The following ASAP1 variants were observed in gnomAD, a reference collection of about 807,000 sequenced individuals.
ASAP1 encodes ArfGAP with SH3 domain, ankyrin repeat and PH domain 1.
Under a neutral mutation model 145.2 loss-of-function variants are expected in ASAP1, and 43 were observed. The observed-to-expected ratio is 0.30, with a 90% CI of 0.23 to 0.38. ASAP1 has a LOEUF of 0.38. Among genes scored for constraint, ASAP1 ranks in the 10% least tolerant of loss-of-function variants. The pLI is 1.00. For synonymous variants in ASAP1, 546 were observed against 515.5 expected (o/e 1.06, Z -0.80); for missense variants, 1,018 against 1,355.3 (o/e 0.75, Z 3.91).
At chr8:130,346,038 C>A (rs528679961) in intron 3 of ASAP1, among the ~76,000 whole-genome samples, 1 of 152,284 alleles carries the variant, frequency 6.6e-6, no homozygotes, top group South Asian at 2.1e-4. Context: ...GTAGACTTAA[C>A]CGTATTTGGA....
chr8:130,185,033 C>G (rs1382900359), intron 7 of ASAP1, among the ~76,000 whole-genome samples: 1 of 152,142 alleles, frequency 6.6e-6, no homozygotes, highest in African/African-American at 2.4e-5. Flanking sequence ...AAATGTCCAG[C>G]CTTCTCCATT....
intron 13 of ASAP1, among the ~76,000 whole-genome samples, chr8:130,145,627 C>T (rs2097627269): frequency 6.6e-6 from 1 of 152,170 alleles, no homozygotes; most frequent in South Asian, 2.1e-4. Flanking sequence ...AAAGCGAGGG[C>T]ATCATTATGT....
At chr8:130,291,576 G>A (rs1032349652) in intron 3 of ASAP1, among the ~76,000 whole-genome samples, 1 of 152,204 alleles carries the variant, frequency 6.6e-6, no homozygotes, top group Admixed American at 6.5e-5. Context: ...GATGAGGGGA[G>A]GAGGGAAAAG....
chr8:130,219,504 T>C (rs117015017), intron 4 of ASAP1, among the ~76,000 whole-genome samples: 2 of 151,958 alleles, frequency 1.3e-5, no homozygotes, highest in Non-Finnish European at 2.9e-5. Flanking sequence ...CAGGAATGAG[T>C]GTTTCTGAAG....
At chr8:130,145,779 A>G (rs1281474179) in intron 13 of ASAP1, among the ~76,000 whole-genome samples, 2 of 152,106 alleles carry the variant, frequency 1.3e-5, no homozygotes, top group Admixed American at 1.3e-4. Flanking sequence ...AGGCACCAAA[A>G]GGTTAAGTTA....
At chr8:130,434,805 C>T (rs929556359) in intron 1 of ASAP1, among the ~76,000 whole-genome samples, 2 of 152,122 alleles carry the variant, frequency 1.3e-5, no homozygotes, top group Non-Finnish European at 2.9e-5. Flanking sequence ...CCTGAGGGAA[C>T]TTCTAGGGGA....
At chr8:130,140,893 T>C (rs75442352) in intron 13 of ASAP1, among the ~76,000 whole-genome samples, 2,609 of 152,310 alleles carry the variant, frequency 0.017, 25 homozygotes, top group Non-Finnish European at 0.024. Flanking sequence ...AGTGGTATGT[T>C]CCACAGAAGT....
intron 26 of ASAP1, 47 bp downstream of exon 26, chr8:130,079,855 T>G: frequency 6.4e-7 from 1 of 1,564,698 alleles, no homozygotes; most frequent in Non-Finnish European, 8.8e-7. Context: ...TTCTGTCCAT[T>G]GCATCAATGG....
intron 25 of ASAP1, among the ~76,000 whole-genome samples, chr8:130,086,684 G>A (rs2097493968): frequency 6.6e-6 from 1 of 152,172 alleles, no homozygotes; most frequent in Admixed American, 6.5e-5. Context: ...CACACCTGTA[G>A]TCCCAGCTAC....
intron 5 of ASAP1, chr8:130,195,034 A>G (rs1815386954): frequency 6.6e-6 from 1 of 152,160 alleles, no homozygotes; most frequent in Non-Finnish European, 1.5e-5. Context: ...AGCTTTTCAA[A>G]TCCATTATAT....
intron 1 of ASAP1, among the ~76,000 whole-genome samples, chr8:130,406,091 T>TTTG (rs902888889): frequency 2.2e-4 from 34 of 152,346 alleles, no homozygotes; most frequent in Admixed American, 1.0e-3. Context: ...CTGTTGGTTT[T>TTTG]TTGTTGTTGT....
chr8:130,298,904 T>C (rs930588396), intron 3 of ASAP1, among the ~76,000 whole-genome samples: 3 of 152,164 alleles, frequency 2.0e-5, no homozygotes, highest in Non-Finnish European at 4.4e-5. Context: ...CCGACCAGAT[T>C]ACAGGTATTA....
chr8:130,383,772 G>C (rs1394162799), intron 2 of ASAP1, among the ~76,000 whole-genome samples: 9 of 152,214 alleles, frequency 5.9e-5, no homozygotes, highest in African/African-American at 1.9e-4. Context: ...GGATCCAGGA[G>C]AGCCCTGAAG....
At chr8:130,178,579 T>C (rs1419555675) in intron 9 of ASAP1, among the ~76,000 whole-genome samples, 2 of 152,234 alleles carry the variant, frequency 1.3e-5, no homozygotes, top group Non-Finnish European at 2.9e-5. Context: ...ATTCACTTAT[T>C]TTAGATGAAA....
At chr8:130,344,284 T>A (rs577946719) in intron 3 of ASAP1, among the ~76,000 whole-genome samples, 144 of 152,302 alleles carry the variant, frequency 9.5e-4, no homozygotes, top group Middle Eastern at 3.4e-3. Flanking sequence ...CATTTTTTTT[T>A]AAAGAGACAA....
intron 2 of ASAP1, among the ~76,000 whole-genome samples, chr8:130,397,596 C>G (rs1828592899): frequency 6.6e-6 from 1 of 152,154 alleles, no homozygotes; most frequent in African/African-American, 2.4e-5. Flanking sequence ...ACAGTGACAA[C>G]AAGACAAGAA....
intron 3 of ASAP1, among the ~76,000 whole-genome samples, chr8:130,261,545 C>G (rs1468563711): frequency 2.0e-5 from 3 of 152,054 alleles, no homozygotes; most frequent in Non-Finnish European, 4.4e-5. Flanking sequence ...CTTAGGGAAA[C>G]CCAGGGCATC....
intron 4 of ASAP1, among the ~76,000 whole-genome samples, chr8:130,229,371 AC>A: frequency 6.6e-6 from 1 of 152,316 alleles, no homozygotes; most frequent in South Asian, 2.1e-4. Flanking sequence ...TTTAAGTGCA[AC>A]AGCTTTATAC....
intron 9 of ASAP1, among the ~76,000 whole-genome samples, chr8:130,170,865 C>A (rs1225399515): frequency 2.6e-5 from 4 of 152,048 alleles, no homozygotes; most frequent in Non-Finnish European, 5.9e-5. Context: ...ACTACAGAGG[C>A]ACCCCACCAT....
Sources: allele counts gnomAD v4.1 joint callset (sites outside exome capture counted in the v4.1 genomes callset), GRCh38; gene constraint gnomAD v4.1.1; transcripts MANE v1.5; gene names NCBI Gene and HGNC (gene_info 2026-07-23, HGNC 2026-07-21).